Variants in CYGB observed in about 807,000 individuals in gnomAD.
CYGB encodes the protein cytoglobin.
In CYGB, 13 loss-of-function variants were observed where a neutral mutation model predicts 20.7. The ratio of observed to expected loss-of-function variants is 0.63; its 90% CI spans 0.41 to 1.00. The LOEUF is 1.00. Ranked by LOEUF, CYGB falls within the 50% of genes least tolerant of loss-of-function variation. The pLI is 0.00. For synonymous variants in CYGB, 93 were observed against 107.4 expected, an observed-to-expected ratio of 0.87 and a Z score of 0.83; for missense variants, 218 against 257.2, an observed-to-expected ratio of 0.85 and a Z score of 1.04.
upstream of CYGB, chr17:76,540,679 C>T (rs933031092): frequency 6.1e-6 from 7 of 1,142,102 alleles, no homozygotes; most frequent in Admixed American, 5.7e-5. The surrounding 1 kb of genome is among the most constrained non-coding windows in gnomAD (Gnocchi z 5.0). Flanking sequence ...GTGCGTGCAC[C>T]GTATCCTGGC....
Position 76,531,199 on chromosome 17 carries a change from C to T in CYGB, c.376-57G>A. 6.4e-7 allele frequency: 1 copy of T among 1,550,400 alleles called. No individual in the cohort carries two copies. Among genetic ancestry groups the T allele is most frequent in the Non-Finnish European group, 8.8e-7 (1 of 1,135,796 alleles). On this transcript the variant is annotated intron_variant, in intron 2 of 3. Transcript: ENST00000293230. The surrounding 1 kb of genome is among the most constrained non-coding windows in gnomAD (Gnocchi z 7.4). ...GCCCGGGCGCCCTGCGTCCTGCAAC[C>T]CCCAGGCCCCTCCGCCCCACGTGTG... is the stretch of plus-strand genomic sequence containing the variant.
At chr17:76,544,910 A>G (rs1191836867) in intron 1 of CYGB, 2 of 456,780 alleles carry the variant, frequency 4.4e-6, no homozygotes, top group Admixed American at 4.7e-5. Flanking sequence ...CACTGTTCCG[A>G]GAACCTGCGC....
At chr17:76,545,197 A>C in intron 1 of CYGB, 2 of 456,716 alleles carry the variant, frequency 4.4e-6, no homozygotes, top group Non-Finnish European at 8.8e-6. Context: ...CGCAGTCTGC[A>C]CATTTGCAGC....
At chr17:76,550,917 G>A (rs186058840) in exon 1 of CYGB, 2 of 152,348 alleles carry the variant, frequency 1.3e-5, no homozygotes, top group Admixed American at 6.5e-5. Flanking sequence ...GAAGTCCCGT[G>A]ATGTTTGGAT....
intron 1 of CYGB, chr17:76,543,089 G>C (rs1202405856): frequency 2.1e-6 from 1 of 471,500 alleles, no homozygotes; most frequent in South Asian, 1.5e-5. Flanking sequence ...GCAGCGGCAA[G>C]AGGGAGAATG....
At position 76,545,143 on chromosome 17, in the gene CYGB, C is replaced by T. The variant is rs1210570702; in HGVS notation, c.-53+5719G>A. 2.0e-5 allele frequency: 9 copies of T among 456,664 alleles called. No homozygotes were observed. In the East Asian group the frequency reaches 6.3e-4, roughly 32 times the overall value. The allele number at this position is 456,664 out of a possible 1,614,324, so 28.3% of individuals were successfully genotyped here. A position where few individuals can be genotyped will look rare whatever the true frequency, so the allele number is the denominator to read the frequency against. ...ACCTTCCCCGCACACCCAGCCCACG[C>T]TCGCCTCTTATTCCCGGGGCCTCTC... On this transcript the variant is annotated intron_variant, in intron 1 of 3. Coordinates refer to the CYGB transcript ENST00000589145.
Position 76,530,936 on chromosome 17 carries a change from A to T in CYGB, c.539+43T>A, listed in dbSNP as rs1024690259. 3.3e-6 allele frequency: 5 copies of T among 1,526,574 alleles called. No homozygotes were observed. Among genetic ancestry groups the T allele is most frequent in the Non-Finnish European group, 4.4e-6 (5 of 1,133,004 alleles). 94.6% of individuals were successfully genotyped at this position (1,526,574 alleles called of 1,614,324 possible). The stretch of plus-strand genomic sequence containing the variant: ...GGAGACCTCGGGGACAGCAGAGGAC[A>T]TGGCGGGGAGGCTGCCCAGCCCACC... On this transcript the variant is annotated intron_variant, in intron 3 of 3. Coordinates refer to ENST00000293230, the MANE Select transcript of CYGB (RefSeq NM_134268.5). The surrounding 1 kb of genome is among the most constrained non-coding windows in gnomAD (Gnocchi z 6.1).
At chr17:76,548,474 C>G in intron 1 of CYGB, among the ~76,000 whole-genome samples, 1 of 152,214 alleles carries the variant, frequency 6.6e-6, no homozygotes, top group East Asian at 1.9e-4. Flanking sequence ...CAGACCCTGC[C>G]CTGCTGGTTG....
intron 3 of CYGB, chr17:76,529,184 C>G (rs989309020): frequency 1.1e-5 from 11 of 985,224 alleles, no homozygotes; most frequent in Non-Finnish European, 1.3e-5. Flanking sequence ...CTCTGTAACT[C>G]CATCCTACCC....
intron 1 of CYGB, among the ~76,000 whole-genome samples, chr17:76,535,673 G>T (rs1406064506): frequency 6.6e-6 from 1 of 152,186 alleles, no homozygotes; most frequent in East Asian, 1.9e-4. Flanking sequence ...GTGGGGAACT[G>T]GAAGAGGGGT....
chr17:76,540,139 G>A (rs370328118), upstream of CYGB: 32 of 1,600,840 alleles, frequency 2.0e-5, no homozygotes, highest in East Asian at 4.0e-4. The surrounding 1 kb of genome is among the most constrained non-coding windows in gnomAD (Gnocchi z 5.0). Flanking sequence ...GGGCAGCTGC[G>A]CCATGTGCAC....
At chr17:76,540,691 C>T, upstream of CYGB, 1 of 1,034,786 alleles carries the variant, frequency 9.7e-7, no homozygotes, top group Non-Finnish European at 1.5e-6. This position sits in a 1 kb window ranked among gnomAD's most constrained non-coding sequence, Gnocchi z 5.0. Context: ...TATCCTGGCC[C>T]TTGCCCTAAG....
chr17:76,547,678 GACACCCACATTC>G (rs2075065715), intron 1 of CYGB, among the ~76,000 whole-genome samples: 2 of 143,848 alleles, frequency 1.4e-5, no homozygotes, highest in Non-Finnish European at 3.0e-5. Context: ...CACACACAGA[GACACCCACATTC>G]ACACACACAG....
chr17:76,547,712 C>G (rs968131284), intron 1 of CYGB, among the ~76,000 whole-genome samples: 1 of 150,242 alleles, frequency 6.7e-6, no homozygotes, highest in Admixed American at 6.6e-5. Flanking sequence ...CACACACACA[C>G]AGAGACACAT....
rs201189579 is a variant in CYGB, at chr17:76,531,453, C to T, written c.375+7G>A. On this transcript the variant is annotated splice_region_variant and intron_variant, in intron 2 of 3. Coordinates refer to ENST00000293230, the MANE Select transcript of CYGB (RefSeq NM_134268.5). This position sits in a 1 kb window ranked among gnomAD's most constrained non-coding sequence, Gnocchi z 7.4. ...GTGGGGGCTCTGCAGCAGATGGGGG[C>T]GCATACCTTGAAGTACACCGGTTCC... is the stretch of plus-strand genomic sequence containing the variant. 216 of 1,600,644 alleles carry T rather than the reference C, an allele frequency of 1.3e-4. No homozygotes were observed. In the African/African-American group the frequency reaches 1.6e-3, roughly 12 times the overall value.
chr17:76,547,807 GACACACATTCACAC>G (rs2075067633), intron 1 of CYGB, among the ~76,000 whole-genome samples: 1 of 142,860 alleles, frequency 7.0e-6, no homozygotes. Flanking sequence ...CATTCACAGA[GACACACATTCACAC>G]ACACACACAC....
intron 1 of CYGB, among the ~76,000 whole-genome samples, chr17:76,536,606 G>A (rs1192345313): frequency 1.3e-5 from 2 of 152,164 alleles, no homozygotes; most frequent in Non-Finnish European, 2.9e-5. Context: ...TCTAAGCCTA[G>A]GTGTGTGAAG....
intron 1 of CYGB, chr17:76,545,260 C>T (rs950693858): frequency 8.8e-6 from 4 of 456,672 alleles, no homozygotes; most frequent in African/African-American, 8.0e-5. Context: ...CAGAAGGCTC[C>T]TGGGACCCGG....
At chr17:76,550,640 G>A (rs1039476935) in intron 1 of CYGB, 4 of 152,184 alleles carry the variant, frequency 2.6e-5, no homozygotes, top group Admixed American at 6.6e-5. Context: ...ACACTTATTG[G>A]ACTACTGAAC....
Sources: gnomAD v4.1 joint callset for allele counts (sites outside exome capture counted in the v4.1 genomes callset) on GRCh38, gnomAD v4.1.1 for gene constraint, Gnocchi (gnomAD v3.1) non-coding constraint, MANE v1.5 for transcripts, NCBI Gene and HGNC (gene_info 2026-07-23, HGNC 2026-07-21) for gene names.